The following N4BP2L2 variants were observed in gnomAD, a reference collection of about 807,000 sequenced individuals.
The protein encoded by N4BP2L2 is NEDD4 binding protein 2 like 2.
In N4BP2L2, 50 loss-of-function variants were observed where a neutral mutation model predicts 56.2. The observed-to-expected ratio is 0.89, with a 90% confidence interval of 0.71 to 1.13. The LOEUF (loss-of-function observed/expected upper bound fraction) is 1.13. Among genes scored for constraint, N4BP2L2 ranks in the 50% most tolerant of loss-of-function variants. The pLI is 0.00. For synonymous variants in N4BP2L2, 203 were observed against 223.6 expected, an observed-to-expected ratio of 0.91 and a Z score of 0.82; for missense variants, 689 against 693.8, an observed-to-expected ratio of 0.99 and a Z score of 0.08.
exon 6 of N4BP2L2, chr13:32,513,506 T>C (rs1024318631): frequency 1.3e-5 from 2 of 152,176 alleles, no homozygotes; most frequent in African/African-American, 4.8e-5. Context: ...GCCAGTCTTA[T>C]CACCAAACAT....
chr13:32,481,425 G>A (rs149172379), intron 6 of N4BP2L2, among the ~76,000 whole-genome samples: 5 of 152,176 alleles, frequency 3.3e-5, no homozygotes, highest in Non-Finnish European at 5.9e-5. Context: ...AGTAGTCTCA[G>A]ACTCATTCAC....
At chr13:32,443,717 T>A (rs1462904647) in exon 7 of N4BP2L2, 1 of 1,584,080 alleles carries the variant, frequency 6.3e-7, no homozygotes, top group East Asian at 2.2e-5. Context: ...ATTGGACAAG[T>A]AACGGAGATT....
intron 5 of N4BP2L2, among the ~76,000 whole-genome samples, chr13:32,520,680 A>G (rs2050619853): frequency 2.6e-5 from 4 of 152,050 alleles, no homozygotes; most frequent in Admixed American, 2.0e-4. Flanking sequence ...AGTAAAGGAA[A>G]AAAAAAAGGA....
exon 6 of N4BP2L2, chr13:32,515,436 C>T (rs2139862826): frequency 6.6e-6 from 1 of 152,208 alleles, no homozygotes. Context: ...CAGGACAAGA[C>T]CTTGTTTGTT....
chr13:32,474,836 C>A (rs924512029), intron 6 of N4BP2L2, among the ~76,000 whole-genome samples: 1 of 152,170 alleles, frequency 6.6e-6, no homozygotes, highest in Non-Finnish European at 1.5e-5. Flanking sequence ...AAAGGATTAT[C>A]TGAAAGAGTA....
chr13:32,482,883 A>G (rs2085071911), intron 6 of N4BP2L2, among the ~76,000 whole-genome samples: 1 of 152,248 alleles, frequency 6.6e-6, no homozygotes, highest in African/African-American at 2.4e-5. Flanking sequence ...TCATATGACA[A>G]TATTACCTTT....
intron 6 of N4BP2L2, among the ~76,000 whole-genome samples, chr13:32,451,931 A>G (rs1262411756): frequency 1.3e-5 from 2 of 152,168 alleles, no homozygotes; most frequent in Non-Finnish European, 2.9e-5. Flanking sequence ...CAGCAAGGGA[A>G]TTCCAAGTTC....
downstream of N4BP2L2, chr13:32,506,186 T>A (rs1207889902): frequency 6.6e-6 from 1 of 152,254 alleles, no homozygotes; most frequent in African/African-American, 2.4e-5. Flanking sequence ...CTTCCTCCAG[T>A]GTCTTCACAT....
chr13:32,538,074 G>GC (rs1158691832), intron 1 of N4BP2L2, among the ~76,000 whole-genome samples: 1 of 136,788 alleles, frequency 7.3e-6, no homozygotes, highest in African/African-American at 2.7e-5. Context: ...CCGTCTTGGG[G>GC]GGGGGGGGCG....
exon 2 of N4BP2L2, chr13:32,536,827 A>G (rs1356736561): frequency 6.2e-7 from 1 of 1,614,068 alleles, no homozygotes. Context: ...TCTCCTGCAA[A>G]TAACTATGTC....
In N4BP2L2 at chr13:32,529,794, C is replaced by T. The variant is rs141227316; in HGVS notation, c.1260-2262G>A. The stretch of plus-strand genomic sequence containing the variant: ...AGGCTGGAGTGCAGTGGTGTGATCT[C>T]GGCTCACTGCAACCTCCACCTCCCA... On this transcript the variant is annotated intron_variant, in intron 2 of 5. Coordinates refer to ENST00000267068, the Ensembl canonical transcript of N4BP2L2. 7.2e-3 allele frequency among the ~76,000 whole-genome samples: 1,079 copies of T among 149,878 alleles called. 13 individuals carry two copies. The highest frequency in any genetic ancestry group is 0.026 in the African/African-American group (1,040 of 40,730).
At chr13:32,502,968 T>A (rs1427520352) in intron 6 of N4BP2L2, among the ~76,000 whole-genome samples, 1 of 152,050 alleles carries the variant, frequency 6.6e-6, no homozygotes, top group Non-Finnish European at 1.5e-5. Context: ...AGGTCATAAG[T>A]TCGATACCAG....
At chr13:32,517,430 TAA>T (rs2049476301) in exon 6 of N4BP2L2, 2 of 998,070 alleles carry the variant, frequency 2.0e-6, no homozygotes, top group Non-Finnish European at 2.4e-6. Context: ...GGAAAAACCG[TAA>T]AGTTTTATGA....
intron 3 of N4BP2L2, 146 bp from the exon 4 acceptor site, chr13:32,522,416 G>C: frequency 2.2e-6 from 1 of 463,048 alleles, no homozygotes; most frequent in Non-Finnish European, 3.7e-6. Flanking sequence ...ATGAAAAAAA[G>C]AACTCCACTA....
chr13:32,481,243 C>A (rs1300379333), intron 6 of N4BP2L2, among the ~76,000 whole-genome samples: 4 of 149,438 alleles, frequency 2.7e-5, no homozygotes, highest in Non-Finnish European at 5.9e-5. Flanking sequence ...TAAATGAAAT[C>A]CACATATATA....
At chr13:32,438,796 CTG>C in intron 7 of N4BP2L2, 1 of 1,266,468 alleles carries the variant, frequency 7.9e-7, no homozygotes, top group Non-Finnish European at 1.1e-6. Flanking sequence ...TTTGCCCTAA[CTG>C]TGAAGACATG....
At chr13:32,492,001 T>C (rs71436483) in intron 6 of N4BP2L2, among the ~76,000 whole-genome samples, 2 of 152,144 alleles carry the variant, frequency 1.3e-5, no homozygotes, top group African/African-American at 2.4e-5. Flanking sequence ...TTTGCATACA[T>C]AGAAAAAAGA....
chr13:32,526,543 T>C (rs995762335), intron 3 of N4BP2L2, among the ~76,000 whole-genome samples: 1 of 152,178 alleles, frequency 6.6e-6, no homozygotes, highest in African/African-American at 2.4e-5. Context: ...CAATACCTGA[T>C]AATTCTGGGT....
At chr13:32,526,282 C>T (rs139086836) in intron 3 of N4BP2L2, among the ~76,000 whole-genome samples, 8 of 152,116 alleles carry the variant, frequency 5.3e-5, no homozygotes, top group African/African-American at 1.2e-4. Flanking sequence ...TTGAGGACTT[C>T]GTTTGGATCC....
Sources: gnomAD v4.1 joint callset for allele counts (sites outside exome capture counted in the v4.1 genomes callset) on GRCh38, gnomAD v4.1.1 for gene constraint, MANE v1.5 for transcripts, NCBI Gene and HGNC (gene_info 2026-07-23, HGNC 2026-07-21) for gene names.